The following DNAAF9 variants were observed in gnomAD, a reference collection of about 807,000 sequenced individuals.
DNAAF9 encodes dynein axonemal assembly factor 9.
DNAAF9 carries 90 observed loss-of-function variants against 167.0 expected under a neutral mutation model. The ratio of observed to expected loss-of-function variants is 0.54; its 90% confidence interval spans 0.45 to 0.64. DNAAF9 has a LOEUF of 0.64. DNAAF9 is among the 30% of genes least tolerant of loss of function. DNAAF9 has a pLI of 0.00. For missense variants in DNAAF9, 1,315 were observed against 1,442.2 expected (o/e 0.91, Z 1.43); for synonymous variants, 491 against 508.8 (o/e 0.96, Z 0.47).
chr20:3,355,639 CTA>C (rs1384702651), intron 7 of DNAAF9, among the ~76,000 whole-genome samples: 1 of 151,750 alleles, frequency 6.6e-6, no homozygotes, highest in Non-Finnish European at 1.5e-5. Context: ...TTTTTAGCAT[CTA>C]TAGAGTCATT....
chr20:3,376,672 C>T (rs2083579885), intron 3 of DNAAF9, among the ~76,000 whole-genome samples: 1 of 152,134 alleles, frequency 6.6e-6, no homozygotes, highest in Admixed American at 6.5e-5. Flanking sequence ...TCCAGAAAGT[C>T]GGGGTCAGGA....
In DNAAF9 at chr20:3,381,365, C is replaced by T; in HGVS notation, c.283+14G>A. ...TACTCTTCTATCACACAGAGTTTAC[C>T]AATATATACTTACCATCTAGTACTT... On this transcript the variant is annotated intron_variant, in intron 3 of 36. Coordinates refer to ENST00000252032, the MANE Select transcript of DNAAF9 (RefSeq NM_001009984.3). The T allele has an allele frequency of 6.3e-7, 1 of 1,593,120 alleles. No homozygotes were observed.
chr20:3,368,874 C>T (rs1415767561), intron 6 of DNAAF9, among the ~76,000 whole-genome samples: 1 of 2,600 alleles, frequency 3.8e-4, no homozygotes, highest in African/African-American at 1.8e-3. Flanking sequence ...GTGGCTCACG[C>T]CTGTAATCCC....
intron 1 of DNAAF9, among the ~76,000 whole-genome samples, chr20:3,387,455 T>C (rs1439661053): frequency 6.6e-6 from 1 of 152,070 alleles, no homozygotes; most frequent in African/African-American, 2.4e-5. Flanking sequence ...AAGAATGAAG[T>C]TGGACCTCAC....
chr20:3,386,931 T>C (rs2083749171), intron 1 of DNAAF9, among the ~76,000 whole-genome samples: 1 of 152,158 alleles, frequency 6.6e-6, no homozygotes, highest in Non-Finnish European at 1.5e-5. Context: ...TCTATTAGAA[T>C]GGATAAAATG....
rs544266894 is a variant in DNAAF9, at chr20:3,386,514, GGAAGAAAACA to G, written c.84-4018_84-4009del. ...GAAAATGTAAAATCATAAAATCTTTGGAAGAAAACAGAAGAAAATATTCTGGACCTAGGAT... is the reference window on the plus strand; with the variant it reads ...GAAAATGTAAAATCATAAAATCTTTGGAAGAAAATATTCTGGACCTAGGAT... On this transcript the variant is annotated intron_variant, in intron 1 of 36. Coordinates refer to ENST00000252032, the MANE Select transcript of DNAAF9 (RefSeq NM_001009984.3). 5.9e-5 allele frequency among the ~76,000 whole-genome samples: 9 copies of G among 152,200 alleles called. No individual in the cohort carries two copies. The South Asian group carries it at 1.9e-3, about 32-fold the overall frequency.
chr20:3,250,595 T>C lies in DNAAF9; in HGVS notation c.*1977A>G, dbSNP rs2068180869. 6.6e-6 allele frequency: 1 copy of C among 152,228 alleles called. No individual in the cohort carries two copies. The highest frequency in any genetic ancestry group is 1.5e-5 in the Non-Finnish European group (1 of 68,054). The allele number at this position is 152,228 out of a possible 1,614,324, so 9.4% of individuals were successfully genotyped here. On this transcript the variant is annotated 3_prime_UTR_variant, in exon 37 of 37. Transcript: ENST00000252032. ...AGTGGGGCAAGTTGGTGAGAGAGCA[T>C]TTCTGTGAAGAGAAACAAAGACCAC...
Position 3,252,505 on chromosome 20 carries a change from G to A in DNAAF9, c.*67C>T. ...AGGGAGAGGCCTCCAGCAGAGCTGA[G>A]GTTAAGACACCCGTTCGTCCATCTC... On this transcript the variant is annotated 3_prime_UTR_variant, in exon 37 of 37. Transcript: ENST00000252032. The A allele has an allele frequency of 1.1e-6, 1 of 879,586 alleles. No homozygotes were observed. The highest frequency in any genetic ancestry group is 1.7e-5 in the Admixed American group (1 of 58,280). 54.5% of individuals were successfully genotyped at this position (879,586 alleles called of 1,614,324 possible). A position where few individuals can be genotyped will look rare whatever the true frequency, so the allele number is the denominator to read the frequency against.
chr20:3,387,861 G>A (rs887017370), intron 1 of DNAAF9, among the ~76,000 whole-genome samples: 1 of 137,264 alleles, frequency 7.3e-6, no homozygotes, highest in East Asian at 2.2e-4. Context: ...GGCAACACAG[G>A]GAGACCCTGT....
chr20:3,267,194 C>A (rs931918283), intron 30 of DNAAF9, among the ~76,000 whole-genome samples: 17 of 152,142 alleles, frequency 1.1e-4, no homozygotes, highest in African/African-American at 4.1e-4. Context: ...ACATTTTATT[C>A]CATGTGTTAT....
intron 29 of DNAAF9, among the ~76,000 whole-genome samples, chr20:3,272,909 G>A (rs896815392): frequency 3.3e-5 from 5 of 152,030 alleles, no homozygotes; most frequent in African/African-American, 9.7e-5. Flanking sequence ...CACAACCTCC[G>A]CCTCCTGGGT....
At chr20:3,262,233 G>A (rs2068402983) in intron 31 of DNAAF9, among the ~76,000 whole-genome samples, 1 of 151,122 alleles carries the variant, frequency 6.6e-6, no homozygotes, top group Non-Finnish European at 1.5e-5. Context: ...TCCTGATGAG[G>A]AAAAAGTTCA....
At chr20:3,325,233 A>G (rs2123059871) in intron 13 of DNAAF9, among the ~76,000 whole-genome samples, 1 of 152,320 alleles carries the variant, frequency 6.6e-6, no homozygotes, top group South Asian at 2.1e-4. Flanking sequence ...GACGTGCTGG[A>G]TCCAGAGAAG....
At chr20:3,304,383 C>T (rs1187193808) in intron 21 of DNAAF9, 57 bp downstream of exon 21, 13 of 825,424 alleles carry the variant, frequency 1.6e-5, no homozygotes, top group Non-Finnish European at 2.8e-5. Context: ...TAGTTTTCCC[C>T]TCAAAAGTGT....
At chr20:3,265,637 G>A (rs1428372808) in intron 30 of DNAAF9, among the ~76,000 whole-genome samples, 5 of 146,908 alleles carry the variant, frequency 3.4e-5, no homozygotes, top group Admixed American at 3.4e-4. Context: ...TACTTTTTTT[G>A]GTGTGGTTGT....
chr20:3,318,104 CTTT>C (rs751838555), intron 17 of DNAAF9, among the ~76,000 whole-genome samples, 182 bp downstream of exon 17: 7 of 132,834 alleles, frequency 5.3e-5, no homozygotes, highest in East Asian at 2.2e-4. Flanking sequence ...TAATGTTTCT[CTTT>C]TTTTTTTTTT....
At chr20:3,342,939 C>T (rs190229076) in intron 9 of DNAAF9, among the ~76,000 whole-genome samples, 1 of 152,260 alleles carries the variant, frequency 6.6e-6, no homozygotes, top group African/African-American at 2.4e-5. Flanking sequence ...ACTGTTGCTC[C>T]CCTGCCCAGC....
chr20:3,382,487 C>T lies in DNAAF9; in HGVS notation c.103G>A (p.Val35Ile), dbSNP rs1723122808. 1.9e-6 allele frequency: 3 copies of T among 1,613,790 alleles called. No individual in the cohort carries two copies. The highest frequency in any genetic ancestry group is 2.7e-5 in the African/African-American group (2 of 74,924). ...PSVSCSRLRQ[V>I]QSILTQSSKS... Reference sequence around the variant, plus strand: ...CTGCTCTGGGTCAGGATGCTCTGAACCTGCCGAAGTCGACTGCAGCTGCAA... The same window carrying T: ...CTGCTCTGGGTCAGGATGCTCTGAATCTGCCGAAGTCGACTGCAGCTGCAA... The change falls in exon 2 of 37, where the codon GTT becomes ATT. Residue 35 changes from valine (V) to isoleucine (I), a missense_variant. Val to Ile is a conservative substitution (Grantham distance 29, BLOSUM62 3). This residue lies in a region of DNAAF9 where 981 missense variants were observed against 1,012.5 expected (regional missense o/e 0.97). Transcript: ENST00000252032.
chr20:3,253,727 TG>T lies in DNAAF9; in HGVS notation c.3419del (p.Pro1140HisfsTer7). Reference sequence around the variant, plus strand: ...GGGACCACGCTGTTCCAAGGATACGTGGGTGAAAATCAGTTTTGTCACCAAA... The same window carrying T: ...GGGACCACGCTGTTCCAAGGATACGTGGTGAAAATCAGTTTTGTCACCAAA... ...NFFGDKTDFH[P>X]LMDQFMNDYV... On this transcript the variant is annotated frameshift_variant and splice_region_variant, in exon 36 of 37. Transcript: ENST00000252032. LOFTEE classifies it high-confidence loss of function. 6.3e-7 allele frequency: 1 copy of T among 1,591,322 alleles called. No homozygotes were observed. The highest frequency in any genetic ancestry group is 8.6e-7 in the Non-Finnish European group (1 of 1,159,304).
Sources: gnomAD v4.1 joint callset for allele counts (sites outside exome capture counted in the v4.1 genomes callset) on GRCh38, gnomAD v4.1.1 for gene constraint, gnomAD v4.1.1 regional missense constraint, MANE v1.5 for transcripts, NCBI Gene and HGNC (gene_info 2026-07-23, HGNC 2026-07-21) for gene names.